The following PAPSS1 variants were observed in gnomAD, a reference collection of about 807,000 sequenced individuals.
The protein encoded by PAPSS1 is 3'-phosphoadenosine 5'-phosphosulfate synthase 1.
Under a neutral mutation model 72.0 loss-of-function variants are expected in PAPSS1, and 50 were observed. That is an observed-to-expected ratio of 0.69 (90% confidence interval 0.55 to 0.88). The LOEUF is 0.88. PAPSS1 is among the 40% of genes least tolerant of loss of function. PAPSS1 has a pLI of 0.00. For synonymous variants in PAPSS1, 261 were observed against 263.6 expected (o/e 0.99, Z 0.09); for missense variants, 657 against 782.2 (o/e 0.84, Z 1.91).
At chr4:107,678,561 G>C (rs1727721360) in intron 5 of PAPSS1, among the ~76,000 whole-genome samples, 1 of 151,812 alleles carries the variant, frequency 6.6e-6, no homozygotes. Context: ...AACATGGGAG[G>C]AAGAGGTAGT....
intron 1 of PAPSS1, among the ~76,000 whole-genome samples, chr4:107,702,451 C>T (rs1302203108): frequency 1.3e-5 from 2 of 152,128 alleles, no homozygotes; most frequent in African/African-American, 4.8e-5. Flanking sequence ...ATCCTTGTAT[C>T]TAAATAAAAT....
intron 1 of PAPSS1, among the ~76,000 whole-genome samples, chr4:107,709,180 T>C (rs1723423791): frequency 6.6e-6 from 1 of 152,150 alleles, no homozygotes. Context: ...ATTTTTCATA[T>C]TAAAAAATAA....
rs1725755270 is a variant in PAPSS1 at position 107,613,981 on chromosome 4, CATAAAT to C, written c.*262_*267del. On this transcript the variant is annotated 3_prime_UTR_variant, in exon 12 of 12. Coordinates refer to ENST00000265174, the MANE Select transcript of PAPSS1 (RefSeq NM_005443.5). ...GCTTGAAAAAATCATGACACAGAAGCATAAATATAATATAAAAAGACAATTTTAAAA... is the reference window on the plus strand; with the variant it reads ...GCTTGAAAAAATCATGACACAGAAGCATAATATAAAAAGACAATTTTAAAA... The C allele has an allele frequency of 4.2e-6, 1 of 237,814 alleles. No homozygotes were observed. The highest frequency in any genetic ancestry group is 8.0e-6 in the Non-Finnish European group (1 of 125,580). 14.7% of individuals were successfully genotyped at this position (237,814 alleles called of 1,614,324 possible).
At chr4:107,638,774 C>T (rs970143467) in intron 10 of PAPSS1, among the ~76,000 whole-genome samples, 1 of 152,166 alleles carries the variant, frequency 6.6e-6, no homozygotes, top group Admixed American at 6.5e-5. Context: ...GTAACACTTA[C>T]CAAGCTCTTC....
chr4:107,624,325 T>C (rs1560563743), intron 11 of PAPSS1, among the ~76,000 whole-genome samples: 1 of 152,228 alleles, frequency 6.6e-6, no homozygotes, highest in Non-Finnish European at 1.5e-5. Flanking sequence ...TTTCCCACAG[T>C]CTTCTGCCAA....
rs145511221 is a variant in PAPSS1 at position 107,631,727 on chromosome 4, G to A, written c.1640C>T (p.Thr547Met). ...CAAAGTGATTAAACCAGGGGCCATC[G>A]TCAGCACTTTGGCACCATGACTTGG... ...YEPSHGAKVL[T>M]MAPGLITLEI... is the part of the protein sequence containing the mutation. The change falls in exon 11 of 12, where the codon ACG becomes ATG. Residue 547 changes from threonine (T) to methionine (M), a missense_variant. This residue lies in a region of PAPSS1 where 166 missense variants were observed against 228.3 expected (regional missense o/e 0.73). Transcript: ENST00000265174. 2,741 of 1,614,062 alleles carry A rather than the reference G, an allele frequency of 1.7e-3. 5 individuals carry two copies. Among genetic ancestry groups the A allele is most frequent in the Non-Finnish European group, 2.0e-3 (2,368 of 1,179,962 alleles).
At position 107,638,199 on chromosome 4, in the gene PAPSS1, AG is replaced by A. The variant is rs1251648040; in HGVS notation, c.1507-6340del. On this transcript the variant is annotated intron_variant, in intron 10 of 11. Transcript: ENST00000265174. ...GTAGTCTCATGAGAGTCACATTTCT[AG>A]TTTGCAATGCAAAAATTATGAAATA... is the stretch of plus-strand genomic sequence containing the variant. 4.6e-5 allele frequency among the ~76,000 whole-genome samples: 7 copies of A among 152,358 alleles called. No individual in the cohort carries two copies. In the Middle Eastern group the frequency reaches 0.02, roughly 444 times the overall value.
chr4:107,627,958 C>T (rs1475087534), intron 11 of PAPSS1, among the ~76,000 whole-genome samples: 1 of 152,064 alleles, frequency 6.6e-6, no homozygotes, highest in Non-Finnish European at 1.5e-5. Flanking sequence ...GTTTACAAAC[C>T]TAATTTTGTA....
intron 2 of PAPSS1, among the ~76,000 whole-genome samples, chr4:107,699,787 G>T (rs1454509558): frequency 6.6e-6 from 1 of 152,108 alleles, no homozygotes; most frequent in Non-Finnish European, 1.5e-5. Flanking sequence ...CCAAGACCAA[G>T]AAAGTATGAA....
At chr4:107,660,757 A>G (rs1727158179) in intron 5 of PAPSS1, among the ~76,000 whole-genome samples, 1 of 152,194 alleles carries the variant, frequency 6.6e-6, no homozygotes, top group South Asian at 2.1e-4. Context: ...CATATCCCTA[A>G]GAATAATTAC....
chr4:107,676,815 T>C (rs1269328208), intron 5 of PAPSS1, among the ~76,000 whole-genome samples: 6 of 152,144 alleles, frequency 3.9e-5, no homozygotes, highest in African/African-American at 7.2e-5. Context: ...CAAAACAGCA[T>C]AGTACTGGTA....
chr4:107,680,861 T>C (rs929952479), intron 5 of PAPSS1, among the ~76,000 whole-genome samples: 2 of 152,118 alleles, frequency 1.3e-5, no homozygotes, highest in African/African-American at 4.8e-5. Context: ...GATGTCTCAG[T>C]GGCCTGCAAA....
chr4:107,626,623 TTTC>T (rs1230663755), intron 11 of PAPSS1, among the ~76,000 whole-genome samples: 1 of 152,244 alleles, frequency 6.6e-6, no homozygotes. Context: ...ATAAAGTTTG[TTTC>T]TTTTCTCCTA....
intron 1 of PAPSS1, among the ~76,000 whole-genome samples, chr4:107,713,070 C>A (rs538666038): frequency 6.6e-6 from 1 of 151,954 alleles, no homozygotes; most frequent in Non-Finnish European, 1.5e-5. Context: ...CCTCAGCCTC[C>A]TGAGTAGCTG....
At chr4:107,636,709 A>T (rs963401131) in intron 10 of PAPSS1, among the ~76,000 whole-genome samples, 1 of 152,216 alleles carries the variant, frequency 6.6e-6, no homozygotes, top group Non-Finnish European at 1.5e-5. Context: ...GGAGGACAGG[A>T]GGACCAAATT....
chr4:107,617,355 A>G (rs1477389089), intron 11 of PAPSS1, among the ~76,000 whole-genome samples: 1 of 151,898 alleles, frequency 6.6e-6, no homozygotes, highest in Non-Finnish European at 1.5e-5. Context: ...GTTAGCTCCA[A>G]TTCTGGCCTT....
chr4:107,614,269 T>G lies in PAPSS1; in HGVS notation c.1855A>C (p.Lys619Gln). The G allele has an allele frequency of 1.9e-6, 3 of 1,613,708 alleles. No homozygotes were observed. The highest frequency in any genetic ancestry group is 2.5e-6 in the Non-Finnish European group (3 of 1,179,748). Residue 619 changes from lysine to glutamine, a missense_variant, in exon 12 of 12, where the codon AAA becomes CAA. Physicochemically the swap from Lys to Gln is moderately conservative, Grantham distance 53. Around this residue, in one of 7 missense-constraint regions of PAPSS1, gnomAD observed 103 missense variants for 93.8 expected, o/e 1.10. Transcript: ENST00000265174. ...ACAGCCTAAGCTTTCTCCAAGGATT[T>G]GTAGTATTCTGTCAGCACGGTCCAA... ...KAWTVLTEYYKSLEKA is the reference protein window; with the variant it reads ...KAWTVLTEYYQSLEKA
At chr4:107,676,607 G>A in intron 5 of PAPSS1, among the ~76,000 whole-genome samples, 1 of 152,098 alleles carries the variant, frequency 6.6e-6, no homozygotes, top group Non-Finnish European at 1.5e-5. Flanking sequence ...TGGCCATACT[G>A]CCCAAGGTAA....
Position 107,654,882 on chromosome 4 carries a change from G to A in PAPSS1, c.914C>T (p.Ser305Leu). ...CLLDGGVINLSVPIVLTATHE... is the reference protein window; with the variant it reads ...CLLDGGVINLLVPIVLTATHE... ...AGTCGCAGTCAGAACTATAGGTACT[G>A]ACAAGTTAATGACACCTCCTGCAGA... The change falls in exon 8 of 12, where the codon TCA becomes TTA. Residue 305 changes from serine to leucine, a missense_variant. Physicochemically the swap from Ser to Leu is moderately radical, Grantham distance 145. Around this residue, in one of 7 missense-constraint regions of PAPSS1, gnomAD observed 190 missense variants for 176.7 expected, o/e 1.07. Coordinates refer to ENST00000265174, the MANE Select transcript of PAPSS1 (RefSeq NM_005443.5). 3 of 1,613,792 alleles carry A rather than the reference G, an allele frequency of 1.9e-6. No homozygotes were observed. The highest frequency in any genetic ancestry group is 2.5e-6 in the Non-Finnish European group (3 of 1,179,804).
Sources: allele counts gnomAD v4.1 joint callset (sites outside exome capture counted in the v4.1 genomes callset), GRCh38; gene constraint gnomAD v4.1.1; regional missense constraint gnomAD v4.1.1; transcripts MANE v1.5; gene names NCBI Gene and HGNC (gene_info 2026-07-23, HGNC 2026-07-21).